The following SAMM50 variants were observed in gnomAD, a reference collection of about 807,000 sequenced individuals.
SAMM50 encodes the protein SAMM50 sorting and assembly machinery component.
Under a neutral mutation model 66.9 loss-of-function variants are expected in SAMM50, and 47 were observed. That is an observed-to-expected ratio of 0.70 (90% CI 0.56 to 0.90). The LOEUF (loss-of-function observed/expected upper bound fraction) is 0.90. Ranked by LOEUF, SAMM50 falls within the 40% of genes least tolerant of loss-of-function variation. SAMM50 has a pLI of 0.00. For synonymous variants in SAMM50, 191 were observed against 214.1 expected (o/e 0.89, Z 0.94); for missense variants, 535 against 595.3 (o/e 0.90, Z 1.05).
intron 12 of SAMM50, among the ~76,000 whole-genome samples, chr22:43,984,789 T>G (rs1603420006): frequency 6.6e-6 from 1 of 151,724 alleles, no homozygotes; most frequent in African/African-American, 2.4e-5. Flanking sequence ...CCACCACGCC[T>G]GGCTAACTTT....
intron 12 of SAMM50, chr22:43,986,661 C>T (rs2050295651): frequency 6.6e-6 from 1 of 152,088 alleles, no homozygotes; most frequent in Non-Finnish European, 1.5e-5. Flanking sequence ...AGCGATTCCC[C>T]CTGCCTCAAC....
Position 43,973,342 on chromosome 22 carries a change from C to T in SAMM50, c.648+19C>T. On this transcript the variant is annotated intron_variant, in intron 7 of 14. Coordinates refer to ENST00000350028, the MANE Select transcript of SAMM50 (RefSeq NM_015380.5). Reference sequence around the variant, plus strand: ...GTACAGTGTGAGTAGCATTTCAGTCCTTCCCTCTGGGCTTGGGGGAAAACA... The same window carrying T: ...GTACAGTGTGAGTAGCATTTCAGTCTTTCCCTCTGGGCTTGGGGGAAAACA... The T allele has an allele frequency of 6.8e-7, 1 of 1,460,338 alleles. No homozygotes were observed. Among genetic ancestry groups the T allele is most frequent in the Non-Finnish European group, 9.6e-7 (1 of 1,040,226 alleles). 90.5% of individuals were successfully genotyped at this position (1,460,338 alleles called of 1,614,324 possible).
intron 12 of SAMM50, chr22:43,987,257 G>C (rs1037725899): frequency 1.3e-5 from 2 of 152,268 alleles, no homozygotes; most frequent in East Asian, 1.9e-4. Flanking sequence ...ATTAATGATA[G>C]CCCCAAGCTG....
rs558018996 is a variant in SAMM50, at chr22:43,985,581, T to G, written c.1075+1581T>G. On this transcript the variant is annotated intron_variant, in intron 12 of 14. Transcript: ENST00000350028. Reference sequence around the variant, plus strand: ...ATTCCTTTGTCTGGAAGTACCACAGTTTGTTTGTCCATTCAGCTGCCGAAG... The same window carrying G: ...ATTCCTTTGTCTGGAAGTACCACAGGTTGTTTGTCCATTCAGCTGCCGAAG... Among the ~76,000 whole-genome samples the G allele has an allele frequency of 2.3e-4, 35 of 152,148 alleles. 1 individual carries two copies. The highest frequency in any genetic ancestry group is 8.2e-4 in the African/African-American group (34 of 41,414).
chr22:43,980,167 C>CTCATCCATCCATCCATCCAT (rs1569032141), intron 10 of SAMM50, among the ~76,000 whole-genome samples: 3 of 2,746 alleles, frequency 1.1e-3, no homozygotes, highest in Non-Finnish European at 1.8e-3. Context: ...CATCCATTCA[C>CTCATCCATCCATCCATCCAT]CCACCCACCC....
chr22:43,969,691 G>T (rs894465236), intron 4 of SAMM50, among the ~76,000 whole-genome samples: 1 of 152,232 alleles, frequency 6.6e-6, no homozygotes, highest in African/African-American at 2.4e-5. Flanking sequence ...GAGAAGGGCT[G>T]GTAGTGAGGT....
intron 10 of SAMM50, among the ~76,000 whole-genome samples, chr22:43,979,944 T>C (rs1028152182): frequency 2.0e-5 from 3 of 151,388 alleles, no homozygotes; most frequent in Non-Finnish European, 4.4e-5. Context: ...GACTTTGGTA[T>C]AGGTGTGTCT....
In SAMM50 at chr22:43,996,471, C is replaced by A; in HGVS notation, c.*88C>A. The A allele has an allele frequency of 7.8e-7, 1 of 1,273,994 alleles. No homozygotes were observed. The highest frequency in any genetic ancestry group is 1.1e-6 in the Non-Finnish European group (1 of 870,642). 78.9% of individuals were successfully genotyped at this position (1,273,994 alleles called of 1,614,324 possible). A position where few individuals can be genotyped will look rare whatever the true frequency, so the allele number is the denominator to read the frequency against. On this transcript the variant is annotated 3_prime_UTR_variant, in exon 15 of 15. Transcript: ENST00000350028. ...CGTCTCTCGAGGAAACGCGGTTCAGCGATTCTTTGACTGCGGACCCTGTGG... is the reference window on the plus strand; with the variant it reads ...CGTCTCTCGAGGAAACGCGGTTCAGAGATTCTTTGACTGCGGACCCTGTGG...
intron 14 of SAMM50, among the ~76,000 whole-genome samples, chr22:43,992,528 G>T (rs1401320263): frequency 6.6e-6 from 1 of 152,316 alleles, no homozygotes; most frequent in South Asian, 2.1e-4. Context: ...GTGTAGTCAC[G>T]CAGGCTGCAT....
intron 10 of SAMM50, among the ~76,000 whole-genome samples, chr22:43,979,720 C>T (rs1402705997): frequency 1.3e-5 from 2 of 152,240 alleles, no homozygotes; most frequent in Non-Finnish European, 2.9e-5. Flanking sequence ...ATATCACTTT[C>T]CTACACAAAC....
chr22:43,961,530 A>C (rs1407234424), intron 1 of SAMM50, among the ~76,000 whole-genome samples: 7 of 152,104 alleles, frequency 4.6e-5, no homozygotes, highest in Non-Finnish European at 4.4e-5. Flanking sequence ...GCTCACTGCA[A>C]CCTCTGTCTC....
At chr22:43,994,391 T>C (rs993139298) in intron 14 of SAMM50, among the ~76,000 whole-genome samples, 1 of 152,138 alleles carries the variant, frequency 6.6e-6, no homozygotes, top group African/African-American at 2.4e-5. Context: ...TGTTCACCGC[T>C]GAGGTCCCCA....
chr22:43,976,708 A>T (rs1402398560), intron 8 of SAMM50, 42 bp from the exon 9 acceptor site: 1 of 1,470,412 alleles, frequency 6.8e-7, no homozygotes, highest in Non-Finnish European at 9.5e-7. Context: ...TATCTAATAG[A>T]ACTTCTTAAA....
chr22:43,962,881 ATTT>A (rs58022542), intron 1 of SAMM50, among the ~76,000 whole-genome samples: 2 of 65,506 alleles, frequency 3.1e-5, no homozygotes, highest in Admixed American at 2.0e-4. Context: ...CTTTTGGTTA[ATTT>A]TTTTTTTTTT....
intron 14 of SAMM50, among the ~76,000 whole-genome samples, chr22:43,992,153 G>T (rs1311170668): frequency 6.6e-6 from 1 of 152,228 alleles, no homozygotes; most frequent in Non-Finnish European, 1.5e-5. Context: ...GTTTGTGCCA[G>T]TTGAAGGAAA....
intron 12 of SAMM50, among the ~76,000 whole-genome samples, chr22:43,985,601 C>T (rs1356204958): frequency 6.6e-6 from 1 of 152,050 alleles, no homozygotes; most frequent in Non-Finnish European, 1.5e-5. Context: ...CATTCAGCTG[C>T]CGAAGGACAG....
rs1430640972 is a variant in SAMM50 at position 43,989,151 on chromosome 22, G to A, written c.1116G>A (p.Leu372=). The change falls in exon 13 of 15, where the codon CTG becomes CTA. Residue 372 remains leucine, a synonymous_variant. Coordinates refer to ENST00000350028, the MANE Select transcript of SAMM50 (RefSeq NM_015380.5). ...LGGEAYWAGG[L]HLYTPLPFRP... ...GAGAAGCGTACTGGGCCGGCGGCCTGCACCTCTACACCCCATTACCTTTCC... is the reference window on the plus strand; with the variant it reads ...GAGAAGCGTACTGGGCCGGCGGCCTACACCTCTACACCCCATTACCTTTCC... 1 of 1,613,964 alleles carries A rather than the reference G, an allele frequency of 6.2e-7. No homozygotes were observed. Among genetic ancestry groups the A allele is most frequent in the African/African-American group, 1.3e-5 (1 of 74,884 alleles).
At chr22:43,977,552 G>A (rs1302097230) in intron 9 of SAMM50, among the ~76,000 whole-genome samples, 1 of 152,174 alleles carries the variant, frequency 6.6e-6, no homozygotes, top group African/African-American at 2.4e-5. Flanking sequence ...GGTCAGCTGA[G>A]TTTTTCCCCA....
intron 14 of SAMM50, among the ~76,000 whole-genome samples, chr22:43,991,109 T>C (rs2050322473): frequency 6.6e-6 from 1 of 152,022 alleles, no homozygotes. Flanking sequence ...CCTGAGTAGT[T>C]GGGATTACAG....
Sources: gnomAD v4.1 joint callset for allele counts (sites outside exome capture counted in the v4.1 genomes callset) on GRCh38, gnomAD v4.1.1 for gene constraint, MANE v1.5 for transcripts, NCBI Gene and HGNC (gene_info 2026-07-23, HGNC 2026-07-21) for gene names.